Variants in MAP4 observed in about 807,000 individuals in gnomAD.
The protein encoded by MAP4 is microtubule associated protein 4, also known as microtubule-associated protein 4.
Under a neutral mutation model 170.2 loss-of-function variants are expected in MAP4, and 76 were observed. The observed-to-expected ratio is 0.45, with a 90% CI of 0.37 to 0.54. The LOEUF (loss-of-function observed/expected upper bound fraction) is 0.54. Ranked by LOEUF, MAP4 falls within the 20% of genes least tolerant of loss-of-function variation. The pLI is 0.00. For synonymous variants in MAP4, 909 were observed against 994.5 expected, an observed-to-expected ratio of 0.91 and a Z score of 1.62; for missense variants, 2,506 against 2,748.0, an observed-to-expected ratio of 0.91 and a Z score of 1.97.
chr3:48,018,034 G>A (rs567350448), upstream of MAP4, among the ~76,000 whole-genome samples: 1 of 152,324 alleles, frequency 6.6e-6, no homozygotes, highest in East Asian at 1.9e-4. Context: ...AATAGGGTTT[G>A]CGCTCCTATG....
chr3:47,870,725 T>C, intron 15 of MAP4, 88 bp downstream of exon 15: 1 of 1,376,826 alleles, frequency 7.3e-7, no homozygotes, highest in Non-Finnish European at 9.8e-7. Context: ...GACTGCCTGC[T>C]TCTTTGGTGG....
chr3:47,944,381 A>T (rs902083733), intron 3 of MAP4, among the ~76,000 whole-genome samples: 4 of 151,964 alleles, frequency 2.6e-5, no homozygotes, highest in African/African-American at 9.7e-5. Context: ...TGTTATACAT[A>T]CTTTCTTTTC....
intron 1 of MAP4, among the ~76,000 whole-genome samples, chr3:48,087,899 G>A (rs1430294839): frequency 1.3e-5 from 2 of 152,154 alleles, no homozygotes; most frequent in Non-Finnish European, 2.9e-5. Context: ...AGAAAGCTGG[G>A]TAACACTAAC....
intron 17 of MAP4, among the ~76,000 whole-genome samples, chr3:47,860,880 A>G (rs777761877): frequency 5.9e-5 from 9 of 152,238 alleles, no homozygotes; most frequent in Non-Finnish European, 1.2e-4. Context: ...AGAAGAATCC[A>G]GATTCTAGGA....
At chr3:48,061,381 G>C (rs2100135175) in intron 1 of MAP4, among the ~76,000 whole-genome samples, 1 of 152,106 alleles carries the variant, frequency 6.6e-6, no homozygotes, top group Non-Finnish European at 1.5e-5. Context: ...TTTTGGTGGA[G>C]ACGGGGTTTC....
At chr3:47,941,627 CAAA>C (rs796623845) in intron 3 of MAP4, among the ~76,000 whole-genome samples, 1 of 126,842 alleles carries the variant, frequency 7.9e-6, no homozygotes, top group Non-Finnish European at 1.8e-5. Flanking sequence ...AAAACAAAAA[CAAA>C]AAAAAAAAAA....
At chr3:48,062,688 T>G (rs2100136427) in intron 1 of MAP4, among the ~76,000 whole-genome samples, 3 of 151,468 alleles carry the variant, frequency 2.0e-5, no homozygotes, top group South Asian at 4.2e-4. Context: ...TTTGGGAGGC[T>G]GAGGCGGGCA....
At chr3:47,895,155 A>C (rs1429386802) in intron 10 of MAP4, among the ~76,000 whole-genome samples, 2 of 152,202 alleles carry the variant, frequency 1.3e-5, no homozygotes, top group Non-Finnish European at 2.9e-5. Flanking sequence ...GTCACCCCCC[A>C]CAAACGACAC....
At chr3:47,890,925 G>T in intron 10 of MAP4, 1 of 977,852 alleles carries the variant, frequency 1.0e-6, no homozygotes, top group Non-Finnish European at 1.5e-6. Context: ...ACAGAACCCA[G>T]CTGTAAAAAG....
chr3:47,968,677 C>T (rs2100076602), intron 3 of MAP4, among the ~76,000 whole-genome samples: 1 of 151,452 alleles, frequency 6.6e-6, no homozygotes, highest in Admixed American at 6.6e-5. Flanking sequence ...TAACCTTCTA[C>T]CAAAAGAAAC....
intron 3 of MAP4, among the ~76,000 whole-genome samples, chr3:47,976,256 TC>T (rs1486767435): frequency 6.6e-6 from 1 of 152,192 alleles, no homozygotes; most frequent in Non-Finnish European, 1.5e-5. Context: ...CACAAGGGAA[TC>T]CTGAAACAGT....
At chr3:48,004,973 C>T (rs978211609) in intron 1 of MAP4, among the ~76,000 whole-genome samples, 40 of 152,198 alleles carry the variant, frequency 2.6e-4, no homozygotes, top group African/African-American at 9.2e-4. Flanking sequence ...GTACCTGCAA[C>T]ACCCATTTGC....
intron 1 of MAP4, among the ~76,000 whole-genome samples, chr3:48,081,598 A>C (rs911859339): frequency 3.3e-5 from 5 of 152,194 alleles, no homozygotes; most frequent in Non-Finnish European, 5.9e-5. Context: ...TCAGAGAAAG[A>C]AGCAAGGAAG....
At chr3:47,882,332 G>C (rs1163794597) in intron 10 of MAP4, among the ~76,000 whole-genome samples, 1 of 151,914 alleles carries the variant, frequency 6.6e-6, no homozygotes, top group Non-Finnish European at 1.5e-5. Flanking sequence ...CTATGTTAAG[G>C]CTTAAGTCTG....
intron 2 of MAP4, among the ~76,000 whole-genome samples, chr3:47,989,747 A>G (rs923464775): frequency 6.6e-6 from 1 of 152,218 alleles, no homozygotes; most frequent in Non-Finnish European, 1.5e-5. Flanking sequence ...CAGATAAGAC[A>G]TACTGGACCC....
At chr3:47,932,324 A>G (rs2100050343) in intron 3 of MAP4, among the ~76,000 whole-genome samples, 1 of 128,476 alleles carries the variant, frequency 7.8e-6, no homozygotes, top group African/African-American at 2.9e-5. Context: ...TTGTTTATCC[A>G]TTAATCAGCT....
chr3:48,088,221 A>T (rs1262405965), intron 1 of MAP4, among the ~76,000 whole-genome samples: 1 of 130,792 alleles, frequency 7.6e-6, no homozygotes, highest in Non-Finnish European at 1.6e-5. Flanking sequence ...TGCCAGACAC[A>T]CGCTTTAGTC....
At chr3:48,086,649 T>C (rs914763288) in intron 1 of MAP4, among the ~76,000 whole-genome samples, 2 of 152,024 alleles carry the variant, frequency 1.3e-5, no homozygotes, top group African/African-American at 4.8e-5. Context: ...AATAAATAAA[T>C]AAATAAAATT....
At chr3:48,063,882 T>A (rs2154560516) in intron 1 of MAP4, among the ~76,000 whole-genome samples, 1 of 152,326 alleles carries the variant, frequency 6.6e-6, no homozygotes, top group East Asian at 1.9e-4. Context: ...AGGGGATTTT[T>A]AGGGCAGTGA....
Sources: gnomAD v4.1 joint callset for allele counts (sites outside exome capture counted in the v4.1 genomes callset) on GRCh38, gnomAD v4.1.1 for gene constraint, MANE v1.5 for transcripts, NCBI Gene and HGNC (gene_info 2026-07-23, HGNC 2026-07-21) for gene names.